SLC25A21: variants seen among roughly 807,000 people sequenced by gnomAD.
SLC25A21 encodes mitochondrial 2-oxodicarboxylate carrier.
Under a neutral mutation model 43.8 loss-of-function variants are expected in SLC25A21, and 47 were observed. That is an observed-to-expected ratio of 1.07 (90% CI 0.85 to 1.37). The LOEUF (loss-of-function observed/expected upper bound fraction) is 1.37. Ranked by LOEUF, SLC25A21 falls within the 40% of genes most tolerant of loss-of-function variation. SLC25A21 has a pLI of 0.00. For missense variants in SLC25A21, 352 were observed against 350.2 expected (o/e 1.00, Z -0.04); for synonymous variants, 131 against 121.3 (o/e 1.08, Z -0.52).
chr14:36,813,212 CT>C (rs2040529706), intron 3 of SLC25A21, among the ~76,000 whole-genome samples: 1 of 152,140 alleles, frequency 6.6e-6, no homozygotes, highest in Admixed American at 6.6e-5. Flanking sequence ...TATCCCTCCC[CT>C]AGCCCCTCGC....
At chr14:37,018,533 T>C (rs1360996760) in intron 1 of SLC25A21, among the ~76,000 whole-genome samples, 2 of 152,070 alleles carry the variant, frequency 1.3e-5, no homozygotes, top group African/African-American at 2.4e-5. Flanking sequence ...TCCTCTTTCG[T>C]ATTCCCTATC....
intron 2 of SLC25A21, among the ~76,000 whole-genome samples, chr14:36,863,697 TC>T (rs1890135552): frequency 6.6e-6 from 1 of 152,220 alleles, no homozygotes; most frequent in Non-Finnish European, 1.5e-5. Flanking sequence ...GCAAGATTCT[TC>T]TGCACATAAT....
At position 36,709,103 on chromosome 14, in the gene SLC25A21, G is replaced by C. The variant is rs182367880; in HGVS notation, c.603+2215C>G. On this transcript the variant is annotated intron_variant, in intron 7 of 9. Transcript: ENST00000331299. Reference sequence around the variant, plus strand: ...GCTCACTGCAGCCTCCACCTCCCAAGTTCAAGCAATTCTCCTGCCTCAGCC... The same window carrying C: ...GCTCACTGCAGCCTCCACCTCCCAACTTCAAGCAATTCTCCTGCCTCAGCC... Among the ~76,000 whole-genome samples, 287 of 151,198 alleles carry C rather than the reference G, an allele frequency of 1.9e-3. 3 individuals carry two copies. Among genetic ancestry groups the C allele is most frequent in the African/African-American group, 6.3e-3 (258 of 41,174 alleles).
At chr14:36,737,714 C>T (rs1323885700) in intron 3 of SLC25A21, among the ~76,000 whole-genome samples, 1 of 152,150 alleles carries the variant, frequency 6.6e-6, no homozygotes, top group Non-Finnish European at 1.5e-5. Context: ...CAGTCTTGCT[C>T]TGCTTGGTGA....
At chr14:36,804,397 C>T (rs12894575) in intron 3 of SLC25A21, among the ~76,000 whole-genome samples, 7,957 of 152,196 alleles carry the variant, frequency 0.052, 281 homozygotes, top group Non-Finnish European at 0.077. Context: ...TGGATGAATC[C>T]CAGCCCCAAC....
intron 1 of SLC25A21, among the ~76,000 whole-genome samples, chr14:37,122,380 C>G (rs1000847614): frequency 6.6e-6 from 1 of 152,192 alleles, no homozygotes; most frequent in African/African-American, 2.4e-5. Flanking sequence ...GTAGCACATT[C>G]CTTCCCTTAT....
chr14:36,768,252 T>C (rs1459808138), intron 3 of SLC25A21, among the ~76,000 whole-genome samples: 2 of 152,124 alleles, frequency 1.3e-5, no homozygotes, highest in East Asian at 1.9e-4. Flanking sequence ...CAGGTGCAGT[T>C]TGAGAACCAG....
chr14:36,834,002 A>G (rs759989344), intron 2 of SLC25A21, among the ~76,000 whole-genome samples: 1 of 152,196 alleles, frequency 6.6e-6, no homozygotes, highest in Non-Finnish European at 1.5e-5. Flanking sequence ...AATTCTGTAA[A>G]TTCTAGCGTA....
intron 2 of SLC25A21, among the ~76,000 whole-genome samples, chr14:36,844,235 T>A (rs1889474241): frequency 2.0e-5 from 3 of 152,216 alleles, no homozygotes; most frequent in Non-Finnish European, 2.9e-5. Flanking sequence ...CAGCATTCAT[T>A]TTCTTGTCAC....
intron 1 of SLC25A21, among the ~76,000 whole-genome samples, chr14:37,123,011 G>A (rs17106368): frequency 0.12 from 18,608 of 152,118 alleles, 2,855 homozygotes; most frequent in African/African-American, 0.36. Context: ...GAAGTGAAAC[G>A]TACGCTCTAT....
intron 1 of SLC25A21, among the ~76,000 whole-genome samples, chr14:37,075,899 A>G (rs1009373749): frequency 1.3e-5 from 2 of 152,192 alleles, no homozygotes; most frequent in African/African-American, 4.8e-5. Flanking sequence ...TATCCTCCAC[A>G]GGGATGCAGT....
intron 7 of SLC25A21, among the ~76,000 whole-genome samples, chr14:36,692,252 T>C (rs929412200): frequency 3.9e-5 from 6 of 152,222 alleles, no homozygotes; most frequent in Non-Finnish European, 7.3e-5. Context: ...ATAGACTCTT[T>C]GTGACTTAAC....
At chr14:36,954,759 T>C (rs1173394776) in intron 1 of SLC25A21, among the ~76,000 whole-genome samples, 1 of 152,162 alleles carries the variant, frequency 6.6e-6, no homozygotes, top group East Asian at 1.9e-4. Flanking sequence ...CATTATTTTC[T>C]GATTCCTCCA....
At chr14:37,075,171 C>T (rs937071463) in intron 1 of SLC25A21, among the ~76,000 whole-genome samples, 2 of 152,132 alleles carry the variant, frequency 1.3e-5, no homozygotes, top group East Asian at 1.9e-4. Flanking sequence ...TAGCTTTCCA[C>T]CACTAATACC....
rs564509413 is a variant in SLC25A21, at chr14:36,893,735, G to C, written c.71-18731C>G. On this transcript the variant is annotated intron_variant, in intron 1 of 9. Transcript: ENST00000331299. Reference sequence around the variant, plus strand: ...TAATTTTTGTATAAGGTGTAAGGAAGGGATCCAGTTTCAGCTTTCTACATA... The same window carrying C: ...TAATTTTTGTATAAGGTGTAAGGAACGGATCCAGTTTCAGCTTTCTACATA... Among the ~76,000 whole-genome samples, 462 of 152,234 alleles carry C rather than the reference G, an allele frequency of 3.0e-3. 2 individuals are homozygous for C. Among genetic ancestry groups the C allele is most frequent in the Non-Finnish European group, 3.4e-3 (234 of 68,008 alleles).
chr14:36,806,165 C>T (rs1888034925), intron 3 of SLC25A21, among the ~76,000 whole-genome samples: 1 of 151,626 alleles, frequency 6.6e-6, no homozygotes. Flanking sequence ...TTGCAGTGAG[C>T]TGAGATTGTG....
At chr14:37,170,605 G>T (rs1484234692) in intron 1 of SLC25A21, among the ~76,000 whole-genome samples, 1 of 152,030 alleles carries the variant, frequency 6.6e-6, no homozygotes, top group African/African-American at 2.4e-5. Flanking sequence ...CATCACAATT[G>T]GAAAACTGAA....
intron 1 of SLC25A21, among the ~76,000 whole-genome samples, chr14:37,135,535 T>A (rs867166143): frequency 5.9e-5 from 9 of 152,212 alleles, no homozygotes; most frequent in Non-Finnish European, 1.0e-4. Context: ...GCAGAAAAAC[T>A]AAAAATTCTA....
At chr14:36,998,815 T>C (rs926821952) in intron 1 of SLC25A21, among the ~76,000 whole-genome samples, 1 of 151,954 alleles carries the variant, frequency 6.6e-6, no homozygotes, top group Middle Eastern at 3.5e-3. Flanking sequence ...CCACACCATA[T>C]GTCATTGGGG....
Sources: gnomAD v4.1 joint callset for allele counts (sites outside exome capture counted in the v4.1 genomes callset) on GRCh38, gnomAD v4.1.1 for gene constraint, MANE v1.5 for transcripts, NCBI Gene and HGNC (gene_info 2026-07-23, HGNC 2026-07-21) for gene names.